The following CTNNA3 variants were observed in gnomAD, a reference collection of about 807,000 sequenced individuals.
CTNNA3 encodes the protein catenin alpha-3.
CTNNA3 carries 76 observed loss-of-function variants against 95.7 expected under a neutral mutation model. The ratio of observed to expected loss-of-function variants is 0.79; its 90% CI spans 0.66 to 0.96. CTNNA3 has a LOEUF of 0.96. Among genes scored for constraint, CTNNA3 ranks in the 40% least tolerant of loss-of-function variants. The pLI, the probability that CTNNA3 is intolerant of heterozygous loss-of-function variation, is 0.00. For synonymous variants in CTNNA3, 431 were observed against 374.4 expected (o/e 1.15, Z -1.74); for missense variants, 1,191 against 1,089.8 (o/e 1.09, Z -1.31).
intron 5 of CTNNA3, among the ~76,000 whole-genome samples, chr10:67,246,413 G>T (rs1407850661): frequency 1.3e-5 from 2 of 152,166 alleles, no homozygotes; most frequent in Non-Finnish European, 2.9e-5. Flanking sequence ...GATGCAAGAT[G>T]CTGGAATGTG....
At chr10:66,538,853 T>C (rs903501777) in intron 10 of CTNNA3, among the ~76,000 whole-genome samples, 2 of 152,198 alleles carry the variant, frequency 1.3e-5, no homozygotes, top group Non-Finnish European at 2.9e-5. Context: ...AGACAGTTAA[T>C]GTATCAGGTT....
At chr10:67,454,266 T>C (rs574261429) in intron 5 of CTNNA3, among the ~76,000 whole-genome samples, 24 of 152,290 alleles carry the variant, frequency 1.6e-4, no homozygotes, top group Middle Eastern at 3.4e-3. Flanking sequence ...GTACCTTCAA[T>C]AGACAGGAGA....
intron 6 of CTNNA3, among the ~76,000 whole-genome samples, chr10:67,214,520 T>C (rs1864268478): frequency 6.6e-6 from 1 of 151,906 alleles, no homozygotes; most frequent in African/African-American, 2.4e-5. Context: ...TAAAAAGTAA[T>C]ATGTAAGCAG....
In CTNNA3 at chr10:66,343,429, A is replaced by G. The variant is rs375967871; in HGVS notation, c.1732+35723T>C. Among the ~76,000 whole-genome samples, 56 of 152,218 alleles carry G rather than the reference A, an allele frequency of 3.7e-4. 1 individual carries two copies. The South Asian group carries it at 0.011, about 31-fold the overall frequency. ...TGAAATCCTGTCTTTCACAGTGGAT[A>G]GAATTGGAGGATTAGGACATTATGT... On this transcript the variant is annotated intron_variant, in intron 12 of 17. Transcript: ENST00000433211.
chr10:67,340,927 A>T (rs1842161235), intron 5 of CTNNA3, among the ~76,000 whole-genome samples: 1 of 152,166 alleles, frequency 6.6e-6, no homozygotes, highest in South Asian at 2.1e-4. Flanking sequence ...TATTAAAGGG[A>T]TGGAGGAAGT....
intron 7 of CTNNA3, among the ~76,000 whole-genome samples, chr10:66,849,907 A>AT (rs1444698247): frequency 1.6e-5 from 2 of 128,842 alleles, no homozygotes; most frequent in Non-Finnish European, 3.7e-5. Context: ...TGAAAGCTTA[A>AT]ATTTTTTACT....
chr10:66,885,907 GC>G (rs1399823376), intron 7 of CTNNA3, among the ~76,000 whole-genome samples: 3 of 152,018 alleles, frequency 2.0e-5, no homozygotes, highest in Non-Finnish European at 4.4e-5. Context: ...TCCAATCTCT[GC>G]CCAACTGGAT....
chr10:66,742,212 G>A (rs922740847), intron 9 of CTNNA3, among the ~76,000 whole-genome samples: 1 of 152,126 alleles, frequency 6.6e-6, no homozygotes, highest in African/African-American at 2.4e-5. Context: ...TGGCCGCTTT[G>A]GGGATGGCTG....
In CTNNA3 at chr10:67,062,203, A is replaced by G. The variant is rs551263125; in HGVS notation, c.1047+118114T>C. ...GATAAGAACGTTAAAACCCACAGAG[A>G]GTAAATTGTTTAAAGTCACTCAAGT... On this transcript the variant is annotated intron_variant, in intron 7 of 17. Coordinates refer to ENST00000433211, the MANE Select transcript of CTNNA3 (RefSeq NM_013266.4). 5.5e-5 allele frequency among the ~76,000 whole-genome samples: 8 copies of G among 145,862 alleles called. No individual in the cohort carries two copies. In the East Asian group the frequency reaches 1.6e-3, roughly 29 times the overall value.
At chr10:66,716,904 T>C (rs996955306) in intron 9 of CTNNA3, among the ~76,000 whole-genome samples, 6 of 152,200 alleles carry the variant, frequency 3.9e-5, no homozygotes, top group Admixed American at 2.6e-4. Context: ...TATCTAAATG[T>C]TTCTGTGAAG....
chr10:66,540,088 G>A (rs1305097234), intron 10 of CTNNA3, among the ~76,000 whole-genome samples: 1 of 151,972 alleles, frequency 6.6e-6, no homozygotes. Flanking sequence ...ATAATAAGAA[G>A]AGGTATTACA....
intron 5 of CTNNA3, among the ~76,000 whole-genome samples, chr10:67,320,650 T>G (rs966837857): frequency 6.6e-6 from 1 of 152,166 alleles, no homozygotes; most frequent in Admixed American, 6.5e-5. Flanking sequence ...TAAATGCTAG[T>G]GAAATTAATA....
chr10:67,595,267 A>G (rs1842905450), intron 3 of CTNNA3, among the ~76,000 whole-genome samples: 1 of 152,122 alleles, frequency 6.6e-6, no homozygotes, highest in Non-Finnish European at 1.5e-5. Flanking sequence ...TGATGTGGGC[A>G]TTTGGTGCTA....
intron 10 of CTNNA3, among the ~76,000 whole-genome samples, chr10:66,547,129 GTAGA>G (rs1212548654): frequency 6.6e-6 from 1 of 151,996 alleles, no homozygotes; most frequent in African/African-American, 2.4e-5. Flanking sequence ...GCAGAAGGAA[GTAGA>G]TAGAGTGTGG....
intron 7 of CTNNA3, among the ~76,000 whole-genome samples, chr10:66,813,975 T>C (rs112183317): frequency 0.014 from 2,181 of 152,056 alleles, 65 homozygotes; most frequent in African/African-American, 0.05. Context: ...GCAGTGACAT[T>C]GGAGACAAAG....
intron 1 of CTNNA3, among the ~76,000 whole-genome samples, chr10:67,757,373 T>C (rs1177946991): frequency 6.6e-6 from 1 of 152,156 alleles, no homozygotes; most frequent in Admixed American, 6.5e-5. Flanking sequence ...ATCAACTTGA[T>C]TGGATTGAAG....
At chr10:67,682,154 G>A (rs1417975502) in intron 1 of CTNNA3, among the ~76,000 whole-genome samples, 4 of 135,452 alleles carry the variant, frequency 3.0e-5, no homozygotes, top group South Asian at 2.4e-4. Flanking sequence ...GCAAAACCCC[G>A]TCTCAAAAAA....
At chr10:66,666,552 TC>T (rs1212345035) in intron 9 of CTNNA3, among the ~76,000 whole-genome samples, 1 of 152,208 alleles carries the variant, frequency 6.6e-6, no homozygotes, top group South Asian at 2.1e-4. Flanking sequence ...TTTTGCATTT[TC>T]CCCAGAATAA....
At chr10:66,710,847 G>A (rs1227407956) in intron 9 of CTNNA3, among the ~76,000 whole-genome samples, 2 of 151,848 alleles carry the variant, frequency 1.3e-5, no homozygotes, top group Admixed American at 1.3e-4. Flanking sequence ...TTTGTCATGC[G>A]CTTGTTACAA....
Sources: allele counts gnomAD v4.1 joint callset (sites outside exome capture counted in the v4.1 genomes callset), GRCh38; gene constraint gnomAD v4.1.1; transcripts MANE v1.5; gene names NCBI Gene and HGNC (gene_info 2026-07-23, HGNC 2026-07-21).